DACH1: variants seen among roughly 807,000 people sequenced by gnomAD.
DACH1 encodes dachshund family transcription factor 1.
DACH1 carries 12 observed loss-of-function variants against 54.2 expected under a neutral mutation model. That is an observed-to-expected ratio of 0.22 (90% CI 0.14 to 0.36). The LOEUF (loss-of-function observed/expected upper bound fraction) is 0.36. Among genes scored for constraint, DACH1 ranks in the 10% least tolerant of loss-of-function variants. The pLI is 1.00. For missense variants in DACH1, 805 were observed against 929.8 expected (o/e 0.87, Z 1.75); for synonymous variants, 386 against 366.2 (o/e 1.05, Z -0.62).
chr13:71,746,109 T>C (rs907816476), intron 1 of DACH1, among the ~76,000 whole-genome samples: 1 of 151,978 alleles, frequency 6.6e-6, no homozygotes, highest in African/African-American at 2.4e-5. Flanking sequence ...CCCCAGCTAC[T>C]TGGGAGGCTG....
At chr13:71,792,338 G>GCA (rs1886865261) in intron 1 of DACH1, among the ~76,000 whole-genome samples, 1 of 92,996 alleles carries the variant, frequency 1.1e-5, no homozygotes, top group African/African-American at 6.4e-5. Flanking sequence ...TAAGTGTTTT[G>GCA]TACACACACA....
At chr13:71,816,562 A>G (rs1428738295) in intron 1 of DACH1, among the ~76,000 whole-genome samples, 11 of 148,738 alleles carry the variant, frequency 7.4e-5, no homozygotes, top group African/African-American at 1.7e-4. Flanking sequence ...ATATACATAT[A>G]TGTGTGTATA....
chr13:71,608,417 T>G (rs943878004), intron 3 of DACH1, among the ~76,000 whole-genome samples: 10 of 152,072 alleles, frequency 6.6e-5, no homozygotes, highest in Non-Finnish European at 2.9e-5. Context: ...TAAAATAGCA[T>G]GGATAAAACC....
At chr13:71,797,640 A>G (rs957045372) in intron 1 of DACH1, among the ~76,000 whole-genome samples, 1 of 152,080 alleles carries the variant, frequency 6.6e-6, no homozygotes, top group Non-Finnish European at 1.5e-5. Context: ...GCTGAGGAGA[A>G]GTAGGGCTCA....
At chr13:71,658,550 CA>C (rs569865990) in intron 2 of DACH1, among the ~76,000 whole-genome samples, 5 of 151,576 alleles carry the variant, frequency 3.3e-5, no homozygotes, top group African/African-American at 7.3e-5. Flanking sequence ...AACTCCATCT[CA>C]AAAAAAAGTA....
intron 1 of DACH1, among the ~76,000 whole-genome samples, chr13:71,700,447 T>C (rs1882068171): frequency 6.6e-6 from 1 of 150,426 alleles, no homozygotes; most frequent in African/African-American, 2.5e-5. Context: ...TCTCAGCTAC[T>C]CAAGAGGCTG....
intron 1 of DACH1, among the ~76,000 whole-genome samples, chr13:71,686,622 T>C (rs527813097): frequency 4.6e-5 from 7 of 152,332 alleles, no homozygotes; most frequent in Admixed American, 3.3e-4. Flanking sequence ...ATTTTCAATA[T>C]CCAATCTTCT....
At chr13:71,775,128 T>TTTTTTG in intron 1 of DACH1, among the ~76,000 whole-genome samples, 1 of 62,592 alleles carries the variant, frequency 1.6e-5, no homozygotes, top group Non-Finnish European at 2.7e-5. Flanking sequence ...CAACACAAGC[T>TTTTTTG]TTTTTTTTTT....
chr13:71,546,469 A>G (rs965950013), intron 6 of DACH1, among the ~76,000 whole-genome samples: 40 of 152,062 alleles, frequency 2.6e-4, no homozygotes, highest in African/African-American at 9.2e-4. Flanking sequence ...ATATGAAATT[A>G]TAGAACATTA....
At chr13:71,521,363 T>C (rs1881586039) in intron 6 of DACH1, among the ~76,000 whole-genome samples, 1 of 152,032 alleles carries the variant, frequency 6.6e-6, no homozygotes, top group South Asian at 2.1e-4. Context: ...CTTAAAAATA[T>C]ACACATATGA....
intron 3 of DACH1, among the ~76,000 whole-genome samples, chr13:71,611,044 C>T (rs889001336): frequency 6.6e-6 from 1 of 152,126 alleles, no homozygotes; most frequent in African/African-American, 2.4e-5. Context: ...GCAATGATCT[C>T]GTTGTGAACG....
chr13:71,750,376 T>C (rs529446706), intron 1 of DACH1, among the ~76,000 whole-genome samples: 2 of 152,320 alleles, frequency 1.3e-5, no homozygotes, highest in South Asian at 4.1e-4. Flanking sequence ...TCTGTGTTTA[T>C]TTAATTAATA....
intron 1 of DACH1, among the ~76,000 whole-genome samples, chr13:71,844,640 C>G (rs1473466734): frequency 6.6e-6 from 1 of 151,970 alleles, no homozygotes; most frequent in Non-Finnish European, 1.5e-5. Flanking sequence ...AACAGAAAAA[C>G]TCACAAAATT....
chr13:71,631,996 G>T (rs1452241974), intron 2 of DACH1, among the ~76,000 whole-genome samples: 1 of 152,062 alleles, frequency 6.6e-6, no homozygotes. Flanking sequence ...TACTCAGGAG[G>T]CTGAGGTAGG....
chr13:71,501,771 T>C (rs1879935358), intron 6 of DACH1, among the ~76,000 whole-genome samples: 1 of 152,194 alleles, frequency 6.6e-6, no homozygotes, highest in African/African-American at 2.4e-5. Flanking sequence ...TGTTCATCAT[T>C]ACCATAAATA....
At chr13:71,751,385 C>A (rs1884918234) in intron 1 of DACH1, among the ~76,000 whole-genome samples, 1 of 152,168 alleles carries the variant, frequency 6.6e-6, no homozygotes, top group East Asian at 1.9e-4. Flanking sequence ...GTACACAGAT[C>A]AAATTGAAAC....
chr13:71,489,204 G>C, intron 6 of DACH1, 56 bp from the exon 7 acceptor site: 3 of 1,567,596 alleles, frequency 1.9e-6, no homozygotes, highest in Non-Finnish European at 2.6e-6. Context: ...GTTTTTATTA[G>C]ACCTCAGTAA....
chr13:71,775,619 T>C (rs1398094002), intron 1 of DACH1, among the ~76,000 whole-genome samples: 1 of 152,158 alleles, frequency 6.6e-6, no homozygotes, highest in African/African-American at 2.4e-5. Flanking sequence ...GTCTTAGTTG[T>C]AAAATGTGAA....
intron 6 of DACH1, among the ~76,000 whole-genome samples, chr13:71,551,636 T>G (rs564815746): frequency 1.6e-4 from 24 of 152,216 alleles, no homozygotes; most frequent in South Asian, 1.2e-3. Context: ...TCAATCTTGA[T>G]TTAAGTTAGG....
Sources: gnomAD v4.1 joint callset for allele counts (sites outside exome capture counted in the v4.1 genomes callset) on GRCh38, gnomAD v4.1.1 for gene constraint, MANE v1.5 for transcripts, NCBI Gene and HGNC (gene_info 2026-07-23, HGNC 2026-07-21) for gene names.